The following CTNND2 variants were observed in gnomAD, a reference collection of about 807,000 sequenced individuals.
The protein encoded by CTNND2 is catenin delta 2, also known as catenin delta-2.
CTNND2 carries 22 observed loss-of-function variants against 144.4 expected under a neutral mutation model. The observed-to-expected ratio is 0.15, with a 90% CI of 0.11 to 0.22. The LOEUF is 0.22. Ranked by LOEUF, CTNND2 falls within the 10% of genes least tolerant of loss-of-function variation. CTNND2 has a pLI of 1.00. For synonymous variants in CTNND2, 751 were observed against 695.6 expected (o/e 1.08, Z -1.25); for missense variants, 1,353 against 1,618.8 (o/e 0.84, Z 2.82).
chr5:11,041,916 A>G (rs1580121932), intron 16 of CTNND2, among the ~76,000 whole-genome samples: 1 of 152,232 alleles, frequency 6.6e-6, no homozygotes, highest in East Asian at 1.9e-4. Context: ...ATAATGTATT[A>G]GCAAATTTAC....
At chr5:11,775,759 C>T (rs548392781) in intron 1 of CTNND2, among the ~76,000 whole-genome samples, 73 of 152,258 alleles carry the variant, frequency 4.8e-4, no homozygotes, top group African/African-American at 1.7e-3. Context: ...AATAATATAC[C>T]CCCGACATTT....
intron 12 of CTNND2, among the ~76,000 whole-genome samples, chr5:11,129,192 T>C (rs1285781016): frequency 4.2e-5 from 2 of 47,314 alleles, no homozygotes; most frequent in Non-Finnish European, 7.4e-5. Flanking sequence ...ATATAATATA[T>C]AATATATATT....
chr5:11,073,539 T>C lies in CTNND2; in HGVS notation c.2788+9157A>G, dbSNP rs537708856. Among the ~76,000 whole-genome samples, 8 of 152,364 alleles carry C rather than the reference T, an allele frequency of 5.3e-5. No homozygotes were observed. The South Asian group carries it at 1.7e-3, about 32-fold the overall frequency. The stretch of plus-strand genomic sequence containing the variant: ...TGGAGTATTTCCAAGGGACAAATCA[T>C]TAATTCTTATTTAATAGAATAATGA... On this transcript the variant is annotated intron_variant, in intron 16 of 21. Coordinates refer to ENST00000304623, the MANE Select transcript of CTNND2 (RefSeq NM_001332.4).
At chr5:11,897,727 T>G (rs1737507647) in intron 1 of CTNND2, among the ~76,000 whole-genome samples, 1 of 152,202 alleles carries the variant, frequency 6.6e-6, no homozygotes, top group African/African-American at 2.4e-5. Context: ...AGACGCTACC[T>G]TGATAACTCT....
chr5:11,520,812 C>A (rs1772656683), intron 3 of CTNND2, among the ~76,000 whole-genome samples: 1 of 152,200 alleles, frequency 6.6e-6, no homozygotes, highest in South Asian at 2.1e-4. Context: ...TTTCAACAAC[C>A]ATATGCCAGA....
chr5:11,219,874 G>A (rs374779423), intron 10 of CTNND2, among the ~76,000 whole-genome samples: 1 of 152,078 alleles, frequency 6.6e-6, no homozygotes, highest in Non-Finnish European at 1.5e-5. Flanking sequence ...TTTCTTCTGT[G>A]GTCCAATTTC....
chr5:11,527,349 G>A (rs574356825), intron 3 of CTNND2, among the ~76,000 whole-genome samples: 4 of 152,322 alleles, frequency 2.6e-5, no homozygotes, highest in African/African-American at 7.2e-5. Flanking sequence ...GCTGGCGCCA[G>A]AAGCCTCGTC....
intron 9 of CTNND2, among the ~76,000 whole-genome samples, chr5:11,292,621 G>A (rs576364991): frequency 8.5e-5 from 13 of 152,230 alleles, no homozygotes; most frequent in Admixed American, 4.6e-4. Flanking sequence ...CATGTAAGAC[G>A]TACTGGCTTC....
At chr5:11,196,650 CTCCACCTCTTGGAGTCA>C (rs113341900) in intron 11 of CTNND2, among the ~76,000 whole-genome samples, 1 of 152,356 alleles carries the variant, frequency 6.6e-6, no homozygotes, top group African/African-American at 2.4e-5. Context: ...TTGTACCCTA[CTCCACCTCTTGGAGTCA>C]TCCACTCCCT....
intron 1 of CTNND2, among the ~76,000 whole-genome samples, chr5:11,742,602 T>C (rs938692821): frequency 3.3e-5 from 5 of 152,196 alleles, no homozygotes; most frequent in Admixed American, 3.3e-4. Context: ...GGCATTACTT[T>C]CATAATCTGC....
chr5:11,822,354 T>A (rs2126943658), intron 1 of CTNND2, among the ~76,000 whole-genome samples: 1 of 152,266 alleles, frequency 6.6e-6, no homozygotes, highest in African/African-American at 2.4e-5. Flanking sequence ...AGTGACATGG[T>A]AAAAACAATG....
intron 10 of CTNND2, among the ~76,000 whole-genome samples, chr5:11,227,437 C>T (rs552652869): frequency 5.9e-5 from 9 of 152,288 alleles, no homozygotes; most frequent in African/African-American, 1.9e-4. Context: ...CAGTGGTATC[C>T]TCTCTACTGA....
At chr5:11,810,098 G>A (rs1792240478) in intron 1 of CTNND2, among the ~76,000 whole-genome samples, 1 of 151,968 alleles carries the variant, frequency 6.6e-6, no homozygotes. Flanking sequence ...GACTATACAT[G>A]CCAACTTGAA....
At chr5:11,734,052 T>C (rs925003390) in intron 1 of CTNND2, among the ~76,000 whole-genome samples, 2 of 152,278 alleles carry the variant, frequency 1.3e-5, no homozygotes, top group East Asian at 1.9e-4. Flanking sequence ...CCTCCCACGA[T>C]GTGAGGGCAC....
intron 2 of CTNND2, among the ~76,000 whole-genome samples, chr5:11,618,208 C>T (rs73742885): frequency 1.6e-4 from 24 of 152,204 alleles, no homozygotes; most frequent in African/African-American, 4.1e-4. Flanking sequence ...CCACAATCCC[C>T]TACACAAAAC....
At chr5:11,231,770 T>C (rs1347713778) in intron 10 of CTNND2, among the ~76,000 whole-genome samples, 2 of 152,230 alleles carry the variant, frequency 1.3e-5, no homozygotes, top group East Asian at 3.8e-4. Context: ...CAAATGAACG[T>C]TAATCACCAA....
intron 9 of CTNND2, among the ~76,000 whole-genome samples, chr5:11,250,473 CTCTCTCTCTCTCTCTCTCTA>C (rs1199712381): frequency 1.8e-4 from 11 of 61,414 alleles, no homozygotes; most frequent in African/African-American, 1.1e-3. Context: ...CTCTCTCTCT[CTCTCTCTCTCTCTCTCTCTA>C]TATATATATA....
At chr5:11,845,902 C>A (rs572228973) in intron 1 of CTNND2, among the ~76,000 whole-genome samples, 4 of 152,070 alleles carry the variant, frequency 2.6e-5, no homozygotes, top group African/African-American at 9.6e-5. Flanking sequence ...AGCATAAATG[C>A]CTAAAATAAA....
chr5:11,641,770 ATATG>A (rs1167580645), intron 2 of CTNND2, among the ~76,000 whole-genome samples: 10 of 144,718 alleles, frequency 6.9e-5, no homozygotes, highest in East Asian at 2.4e-4. Flanking sequence ...ACATATACGT[ATATG>A]TATGTACATA....
Sources: allele counts gnomAD v4.1 joint callset (sites outside exome capture counted in the v4.1 genomes callset), GRCh38; gene constraint gnomAD v4.1.1; transcripts MANE v1.5; gene names NCBI Gene and HGNC (gene_info 2026-07-23, HGNC 2026-07-21).